SCD5: variants seen among roughly 807,000 people sequenced by gnomAD.
SCD5 encodes the protein acyl-CoA-desaturase 4.
Under a neutral mutation model 30.4 loss-of-function variants are expected in SCD5, and 20 were observed. The ratio of observed to expected loss-of-function variants is 0.66; its 90% CI spans 0.46 to 0.96. The LOEUF (loss-of-function observed/expected upper bound fraction) is 0.96, where lower values mean the gene tolerates loss of function less well. Among genes scored for constraint, SCD5 ranks in the 40% least tolerant of loss-of-function variants. The pLI, the probability that SCD5 is intolerant of heterozygous loss-of-function variation, is 0.00. For missense variants in SCD5, 381 were observed against 443.3 expected, an observed-to-expected ratio of 0.86 and a Z score of 1.26; for synonymous variants, 173 against 176.4, an observed-to-expected ratio of 0.98 and a Z score of 0.16.
rs576556314 is a variant in SCD5 at position 82,706,334 on chromosome 4, C to T, written c.233-921G>A. Among the ~76,000 whole-genome samples the T allele has an allele frequency of 2.0e-5, 3 of 152,290 alleles. No individual in the cohort carries two copies. In the East Asian group the frequency reaches 5.8e-4, roughly 29 times the overall value. ...TCCAAGACTCCATGAAAAACATTGG[C>T]TAAAAAAGGATCACTCTAATCCACA... On this transcript the variant is annotated intron_variant, in intron 1 of 4. Coordinates refer to ENST00000319540, the MANE Select transcript of SCD5 (RefSeq NM_001037582.3).
intron 3 of SCD5, among the ~76,000 whole-genome samples, chr4:82,642,845 G>A (rs1727572111): frequency 6.6e-6 from 1 of 152,214 alleles, no homozygotes; most frequent in African/African-American, 2.4e-5. Flanking sequence ...TGCAAACATT[G>A]ATGGTAGCTT....
At chr4:82,720,540 TTTTCAGAAATTAATAA>T (rs1323243386) in intron 1 of SCD5, among the ~76,000 whole-genome samples, 1 of 151,478 alleles carries the variant, frequency 6.6e-6, no homozygotes, top group Non-Finnish European at 1.5e-5. Flanking sequence ...AAAGATCTTC[TTTTCAGAAATTAATAA>T]TTTCAGAAAT....
intron 1 of SCD5, among the ~76,000 whole-genome samples, chr4:82,784,112 T>C (rs1721937883): frequency 6.6e-6 from 1 of 152,306 alleles, no homozygotes; most frequent in Non-Finnish European, 1.5e-5. Flanking sequence ...GAGATCCTGA[T>C]ACTATTCTTA....
chr4:82,756,345 G>C (rs540249037), intron 1 of SCD5, among the ~76,000 whole-genome samples: 1 of 152,158 alleles, frequency 6.6e-6, no homozygotes, highest in Non-Finnish European at 1.5e-5. Context: ...TAAACTACAC[G>C]GCTGTGAGTC....
In SCD5 at chr4:82,747,033, G is replaced by A. The variant is rs1021669753; in HGVS notation, c.233-41620C>T. Among the ~76,000 whole-genome samples the A allele has an allele frequency of 6.6e-5, 9 of 135,838 alleles. No individual in the cohort carries two copies. The South Asian group carries it at 1.2e-3, about 18-fold the overall frequency. The allele number at this position is 135,838 out of a possible 152,430, so 89.1% of individuals were successfully genotyped here. A position where few individuals can be genotyped will look rare whatever the true frequency, so the allele number is the denominator to read the frequency against. On this transcript the variant is annotated intron_variant, in intron 1 of 4. Coordinates refer to ENST00000319540, the MANE Select transcript of SCD5 (RefSeq NM_001037582.3). The stretch of plus-strand genomic sequence containing the variant: ...ATGACACAGGCACCAAGGGGAGTTC[G>A]GTTGGGGGGCAGTTAGAGAAAAGTC...
chr4:82,789,596 T>C (rs1722058689), intron 1 of SCD5, among the ~76,000 whole-genome samples: 1 of 152,250 alleles, frequency 6.6e-6, no homozygotes, highest in Admixed American at 6.5e-5. Flanking sequence ...GCTGTAAGAC[T>C]GTCTGCATGT....
chr4:82,791,953 A>G (rs184365415), intron 1 of SCD5, among the ~76,000 whole-genome samples: 56 of 152,294 alleles, frequency 3.7e-4, no homozygotes, highest in Non-Finnish European at 6.3e-4. Flanking sequence ...ATGACTAAAT[A>G]TTTGGATTTA....
At chr4:82,737,551 C>G (rs1313671036) in intron 1 of SCD5, among the ~76,000 whole-genome samples, 1 of 152,110 alleles carries the variant, frequency 6.6e-6, no homozygotes, top group Non-Finnish European at 1.5e-5. Context: ...ACACTGTAAT[C>G]CCCTCATAAA....
Position 82,649,307 on chromosome 4 carries a change from TG to T in SCD5, c.570-12485del, listed in dbSNP as rs372038211. On this transcript the variant is annotated intron_variant, in intron 3 of 4. Coordinates refer to ENST00000319540, the MANE Select transcript of SCD5 (RefSeq NM_001037582.3). ...ATTTCAGGTATGCTTAGTGAGCACC[TG>T]ACAAGCTAATCAGTTCACGTACCAG... Among the ~76,000 whole-genome samples the T allele has an allele frequency of 4.1e-4, 63 of 152,116 alleles. 1 individual carries two copies. In the East Asian group the frequency reaches 0.011, roughly 27 times the overall value.
At chr4:82,781,651 T>A (rs930959874) in intron 1 of SCD5, among the ~76,000 whole-genome samples, 1 of 152,010 alleles carries the variant, frequency 6.6e-6, no homozygotes, top group African/African-American at 2.4e-5. Context: ...TATGAAGGAA[T>A]TAATGCCATT....
chr4:82,767,998 T>A (rs1477083761), intron 1 of SCD5, among the ~76,000 whole-genome samples: 1 of 152,140 alleles, frequency 6.6e-6, no homozygotes, highest in Non-Finnish European at 1.5e-5. Flanking sequence ...GTGTCAAACT[T>A]ACAAGAAAAA....
At chr4:82,746,698 T>C (rs956244604) in intron 1 of SCD5, among the ~76,000 whole-genome samples, 3 of 151,724 alleles carry the variant, frequency 2.0e-5, no homozygotes, top group Non-Finnish European at 2.9e-5. Context: ...GAAGACATGA[T>C]AGAGTAAATG....
At chr4:82,695,656 A>C (rs9997736) in intron 2 of SCD5, among the ~76,000 whole-genome samples, 1 of 152,210 alleles carries the variant, frequency 6.6e-6, no homozygotes, top group East Asian at 1.9e-4. Flanking sequence ...CACATGGGTA[A>C]CCAGATTTGT....
intron 1 of SCD5, among the ~76,000 whole-genome samples, chr4:82,773,753 C>T (rs771016514): frequency 5.3e-5 from 8 of 152,106 alleles, no homozygotes; most frequent in African/African-American, 7.2e-5. Context: ...CCAAATGCCT[C>T]TTGGGGGTGA....
At chr4:82,656,995 T>C (rs1454717030) in intron 3 of SCD5, among the ~76,000 whole-genome samples, 2 of 152,224 alleles carry the variant, frequency 1.3e-5, no homozygotes, top group East Asian at 3.8e-4. Flanking sequence ...TTCTGGATAT[T>C]AGCCCTTGGT....
chr4:82,684,830 C>T (rs569261142), intron 2 of SCD5, among the ~76,000 whole-genome samples: 28 of 152,186 alleles, frequency 1.8e-4, no homozygotes, highest in African/African-American at 5.3e-4. Context: ...CTTTGCTGCA[C>T]GGGAAACAAA....
chr4:82,743,475 C>T (rs1040160552), intron 1 of SCD5, among the ~76,000 whole-genome samples: 5 of 152,194 alleles, frequency 3.3e-5, no homozygotes, highest in Non-Finnish European at 5.9e-5. Flanking sequence ...GTGATTATGC[C>T]ACTGCACTTC....
At chr4:82,651,326 A>C (rs1334347775) in intron 3 of SCD5, among the ~76,000 whole-genome samples, 1 of 152,180 alleles carries the variant, frequency 6.6e-6, no homozygotes, top group East Asian at 1.9e-4. Flanking sequence ...AGCAACCTGG[A>C]TGGAATTGGA....
At chr4:82,772,719 A>G (rs893559862) in intron 1 of SCD5, among the ~76,000 whole-genome samples, 2 of 152,154 alleles carry the variant, frequency 1.3e-5, no homozygotes, top group African/African-American at 2.4e-5. Flanking sequence ...GTAGGACCCC[A>G]TGCGCCCTAG....
Sources: gnomAD v4.1 joint callset for allele counts (sites outside exome capture counted in the v4.1 genomes callset) on GRCh38, gnomAD v4.1.1 for gene constraint, MANE v1.5 for transcripts, NCBI Gene and HGNC (gene_info 2026-07-23, HGNC 2026-07-21) for gene names.